Variants in RBFOX1 observed in about 807,000 individuals in gnomAD.
The protein encoded by RBFOX1 is RNA binding protein fox-1 homolog 1.
Under a neutral mutation model 57.7 loss-of-function variants are expected in RBFOX1, and 8 were observed. That is an observed-to-expected ratio of 0.14 (90% CI 0.08 to 0.25). RBFOX1 has a LOEUF of 0.25. Among genes scored for constraint, RBFOX1 ranks in the 10% least tolerant of loss-of-function variants. RBFOX1 has a pLI of 1.00. For synonymous variants in RBFOX1, 326 were observed against 222.4 expected (o/e 1.47, Z -4.15); for missense variants, 611 against 548.5 (o/e 1.11, Z -1.14).
chr16:5,908,169 C>CAT (rs1184384846), intron 4 of RBFOX1, among the ~76,000 whole-genome samples: 5 of 131,066 alleles, frequency 3.8e-5, no homozygotes, highest in African/African-American at 1.1e-4. Context: ...TATATATACA[C>CAT]ATATATACAC....
chr16:7,448,927 G>GTTTTTT (rs71147700), intron 4 of RBFOX1, among the ~76,000 whole-genome samples: 7,574 of 82,696 alleles, frequency 0.092, 965 homozygotes, highest in Non-Finnish European at 0.12. Flanking sequence ...TCTTTCCCCT[G>GTTTTTT]TTTTTTTTTT....
At chr16:7,368,436 A>G (rs2097504216) in intron 4 of RBFOX1, among the ~76,000 whole-genome samples, 1 of 152,068 alleles carries the variant, frequency 6.6e-6, no homozygotes, top group African/African-American at 2.4e-5. Context: ...TATATGCTTA[A>G]AAAGTTTTCT....
chr16:7,021,887 CTTTCTTTCT>C (rs1301537462), intron 3 of RBFOX1, among the ~76,000 whole-genome samples: 4 of 121,808 alleles, frequency 3.3e-5, no homozygotes, highest in East Asian at 3.6e-4. Flanking sequence ...CTCTCTCTTT[CTTTCTTTCT>C]TTTCTTTCTT....
At chr16:6,428,265 A>T (rs1324025891) in intron 2 of RBFOX1, among the ~76,000 whole-genome samples, 3 of 149,756 alleles carry the variant, frequency 2.0e-5, no homozygotes, top group Non-Finnish European at 4.4e-5. Flanking sequence ...CAGCCTGGAC[A>T]ACAGAGGGAG....
At chr16:7,032,062 C>T (rs1253270150) in intron 3 of RBFOX1, among the ~76,000 whole-genome samples, 1 of 152,150 alleles carries the variant, frequency 6.6e-6, no homozygotes, top group Non-Finnish European at 1.5e-5. Flanking sequence ...GGCTTGGAAG[C>T]TGCCAGCAAC....
chr16:5,827,518 C>G (rs1220176593), intron 3 of RBFOX1, among the ~76,000 whole-genome samples: 1 of 151,824 alleles, frequency 6.6e-6, no homozygotes, highest in Non-Finnish European at 1.5e-5. Flanking sequence ...CCCTCTACAT[C>G]AAGACTCCGC....
chr16:5,954,444 G>A (rs894828117), intron 4 of RBFOX1, among the ~76,000 whole-genome samples: 14 of 152,260 alleles, frequency 9.2e-5, no homozygotes, highest in Middle Eastern at 3.4e-3. Flanking sequence ...AAATGATCTC[G>A]GTGAAGGTAC....
chr16:6,241,585 GA>G (rs2097540268), intron 1 of RBFOX1, among the ~76,000 whole-genome samples: 1 of 152,170 alleles, frequency 6.6e-6, no homozygotes. Context: ...CTCCTGAAAT[GA>G]ACAGCCTGTG....
rs1445756859 is a variant in RBFOX1 at position 7,420,960 on chromosome 16, CA to C, written c.28-97186del. Among the ~76,000 whole-genome samples the C allele has an allele frequency of 7.1e-3, 1,040 of 145,786 alleles. 13 individuals carry two copies. The highest frequency in any genetic ancestry group is 8.9e-3 in the Non-Finnish European group (590 of 66,584). ...ATATACACACACACACACACACACA[CA>C]TATATATATATATGTAGTCCTGCGC... On this transcript the variant is annotated intron_variant, in intron 4 of 15. Transcript: ENST00000550418.
chr16:6,932,916 C>G (rs1597614696), intron 3 of RBFOX1, among the ~76,000 whole-genome samples: 1 of 152,294 alleles, frequency 6.6e-6, no homozygotes, highest in East Asian at 1.9e-4. Flanking sequence ...TTCCCCCAGC[C>G]CCTGGCAACT....
At chr16:6,071,752 C>T (rs186343906) in intron 1 of RBFOX1, among the ~76,000 whole-genome samples, 7 of 152,302 alleles carry the variant, frequency 4.6e-5, no homozygotes, top group South Asian at 2.1e-4. Flanking sequence ...GTCCCCTCCC[C>T]GTGGCTCCTG....
chr16:6,504,516 C>T (rs1397700997), intron 2 of RBFOX1, among the ~76,000 whole-genome samples: 1 of 152,098 alleles, frequency 6.6e-6, no homozygotes, highest in African/African-American at 2.4e-5. Context: ...ATTAAAAGTG[C>T]AGAGGACTCA....
At chr16:6,483,148 G>T (rs2095400736) in intron 2 of RBFOX1, 1 of 1,070,228 alleles carries the variant, frequency 9.3e-7, no homozygotes, top group South Asian at 3.5e-5. Context: ...GCAAGAGTTT[G>T]CAAAAACATT....
chr16:6,887,053 G>C (rs2064223277), intron 3 of RBFOX1, among the ~76,000 whole-genome samples: 1 of 152,064 alleles, frequency 6.6e-6, no homozygotes, highest in South Asian at 2.1e-4. Context: ...TCCATACTTG[G>C]TTGTATTGTC....
intron 2 of RBFOX1, among the ~76,000 whole-genome samples, chr16:6,447,694 C>G (rs1370901337): frequency 6.6e-6 from 1 of 152,182 alleles, no homozygotes; most frequent in Non-Finnish European, 1.5e-5. Flanking sequence ...AATTAGAATT[C>G]ATAATCCAGA....
chr16:6,106,379 T>C (rs1399992363), intron 1 of RBFOX1, among the ~76,000 whole-genome samples: 1 of 150,152 alleles, frequency 6.7e-6, no homozygotes, highest in East Asian at 2.0e-4. Flanking sequence ...GGCAGGAGAA[T>C]TGCTTGACCC....
intron 3 of RBFOX1, among the ~76,000 whole-genome samples, chr16:5,801,341 CTTT>C (rs56826567): frequency 1.3e-4 from 19 of 143,394 alleles, no homozygotes; most frequent in Non-Finnish European, 3.0e-5. Flanking sequence ...CTCCCTCTCT[CTTT>C]TTTTTTTTTT....
At chr16:7,218,243 A>G (rs1162121671) in intron 4 of RBFOX1, among the ~76,000 whole-genome samples, 1 of 152,188 alleles carries the variant, frequency 6.6e-6, no homozygotes, top group East Asian at 1.9e-4. Context: ...TGGCCAAATC[A>G]TCTGAAAATC....
chr16:6,880,535 G>C (rs2062728003), intron 3 of RBFOX1, among the ~76,000 whole-genome samples: 1 of 152,168 alleles, frequency 6.6e-6, no homozygotes, highest in African/African-American at 2.4e-5. Context: ...TGCTAGTCAG[G>C]TTAGACAGCT....
Sources: allele counts gnomAD v4.1 joint callset (sites outside exome capture counted in the v4.1 genomes callset), GRCh38; gene constraint gnomAD v4.1.1; transcripts MANE v1.5; gene names NCBI Gene and HGNC (gene_info 2026-07-23, HGNC 2026-07-21).